WDR41: variants seen among roughly 807,000 people sequenced by gnomAD.
WDR41 encodes the protein WD repeat-containing protein 41.
WDR41 carries 63 observed loss-of-function variants against 69.3 expected under a neutral mutation model. The observed-to-expected ratio is 0.91, with a 90% CI of 0.74 to 1.12. The LOEUF is 1.12. Among genes scored for constraint, WDR41 ranks in the 50% most tolerant of loss-of-function variants. WDR41 has a pLI of 0.00. For synonymous variants in WDR41, 185 were observed against 192.1 expected (o/e 0.96, Z 0.31); for missense variants, 543 against 534.5 (o/e 1.02, Z -0.16).
chr5:77,479,774 A>G (rs1407000869), intron 2 of WDR41, among the ~76,000 whole-genome samples: 3 of 152,214 alleles, frequency 2.0e-5, no homozygotes, highest in Non-Finnish European at 4.4e-5. Flanking sequence ...CAAGGACTTC[A>G]TGTCTAAAAC....
At chr5:77,514,262 C>G (rs555249650) in intron 1 of WDR41, among the ~76,000 whole-genome samples, 3 of 151,942 alleles carry the variant, frequency 2.0e-5, no homozygotes, top group African/African-American at 7.3e-5. Context: ...TTTTGTGCTA[C>G]GTGTTTTCCA....
In WDR41 at chr5:77,560,131, A is replaced by G. The variant is rs116082115; in HGVS notation, c.42+60348T>C. Among the ~76,000 whole-genome samples, 233 of 152,312 alleles carry G rather than the reference A, an allele frequency of 1.5e-3. 3 individuals carry two copies. Among genetic ancestry groups the G allele is most frequent in the African/African-American group, 5.4e-3 (224 of 41,578 alleles). ...TAACTGTGATTCATAAACCAATCAC[A>G]CAAATTCATCTGTTAGGTTGTATAA... On this transcript the variant is annotated intron_variant, in intron 1 of 5. Transcript: ENST00000509971.
At chr5:77,533,650 G>T (rs1325278534) in intron 1 of WDR41, among the ~76,000 whole-genome samples, 1 of 152,076 alleles carries the variant, frequency 6.6e-6, no homozygotes, top group Non-Finnish European at 1.5e-5. Flanking sequence ...GATGATGATG[G>T]TTGTGTGCTG....
intron 1 of WDR41, among the ~76,000 whole-genome samples, chr5:77,510,089 A>C (rs1802175573): frequency 6.6e-6 from 1 of 152,198 alleles, no homozygotes; most frequent in Admixed American, 6.5e-5. Flanking sequence ...CTGCTGATAA[A>C]GACATACCCA....
intron 8 of WDR41, among the ~76,000 whole-genome samples, chr5:77,446,389 C>T (rs537961870): frequency 2.6e-5 from 4 of 152,310 alleles, no homozygotes; most frequent in African/African-American, 9.6e-5. Flanking sequence ...CATCAAACTA[C>T]TATTGACATC....
intron 12 of WDR41, among the ~76,000 whole-genome samples, chr5:77,434,877 G>A (rs1242300290): frequency 6.6e-6 from 1 of 151,612 alleles, no homozygotes; most frequent in Non-Finnish European, 1.5e-5. Context: ...AACACATTTT[G>A]AATGTCTTTT....
rs761801570 is a variant in WDR41 at position 77,522,828 on chromosome 5, G to T, written c.43-33256C>A. ...AAGGACCAAATGTTTTGACCAGAAA[G>T]GAGCCACTGAAGATTTTGAAAGTGT... On this transcript the variant is annotated intron_variant, in intron 1 of 5. Coordinates refer to the WDR41 transcript ENST00000509971. Among the ~76,000 whole-genome samples the T allele has an allele frequency of 4.6e-5, 7 of 152,112 alleles. No individual in the cohort carries two copies. The South Asian group carries it at 1.0e-3, about 23-fold the overall frequency.
chr5:77,556,986 A>C (rs1464141727), intron 1 of WDR41, among the ~76,000 whole-genome samples: 1 of 151,994 alleles, frequency 6.6e-6, no homozygotes, highest in Non-Finnish European at 1.5e-5. Context: ...GGAAAGGGGG[A>C]GGGGTGGAGC....
intron 1 of WDR41, among the ~76,000 whole-genome samples, chr5:77,536,153 TGAG>T (rs1400002698): frequency 6.6e-6 from 1 of 152,166 alleles, no homozygotes; most frequent in Non-Finnish European, 1.5e-5. Context: ...TATGCTCGTC[TGAG>T]GAGAATTATA....
intron 1 of WDR41, among the ~76,000 whole-genome samples, chr5:77,506,613 A>T (rs11747617): frequency 0.023 from 3,432 of 152,314 alleles, 52 homozygotes; most frequent in Non-Finnish European, 0.033. Context: ...TACTATTCAC[A>T]ATAGCAAAGA....
intron 1 of WDR41, among the ~76,000 whole-genome samples, chr5:77,586,302 G>GTATT (rs34851390): frequency 0.29 from 44,040 of 150,548 alleles, 6,555 homozygotes; most frequent in Non-Finnish European, 0.32. Context: ...ATTTATTTAT[G>GTATT]TATTTATTTA....
At chr5:77,460,341 C>G (rs973530037) in intron 4 of WDR41, among the ~76,000 whole-genome samples, 2 of 152,164 alleles carry the variant, frequency 1.3e-5, no homozygotes, top group Non-Finnish European at 2.9e-5. Flanking sequence ...ATATAACACA[C>G]TAAAACTGCT....
intron 2 of WDR41, among the ~76,000 whole-genome samples, chr5:77,482,397 C>G (rs371651559): frequency 6.6e-6 from 1 of 152,056 alleles, no homozygotes; most frequent in African/African-American, 2.4e-5. Flanking sequence ...CTATAGTACA[C>G]TTGGTTGATT....
intron 1 of WDR41, among the ~76,000 whole-genome samples, chr5:77,553,877 T>C (rs1282736683): frequency 6.6e-6 from 1 of 152,328 alleles, no homozygotes; most frequent in East Asian, 1.9e-4. Context: ...GAAAAGAGTT[T>C]AACAGTTGTT....
In WDR41 at chr5:77,453,921, G is replaced by C; in HGVS notation, c.419C>G (p.Thr140Ser). The C allele has an allele frequency of 6.2e-7, 1 of 1,612,940 alleles. No homozygotes were observed. The highest frequency in any genetic ancestry group is 8.5e-7 in the Non-Finnish European group (1 of 1,178,988). The change falls in exon 6 of 13, where the codon ACT (threonine) becomes AGT (serine). Residue 140 changes from threonine to serine, a missense_variant. Coordinates refer to ENST00000296679, the MANE Select transcript of WDR41 (RefSeq NM_018268.4). ...CCAAACATCTAGTCTCTGAAGAACA[G>C]TTAAACACTGCAAAATTTATTTGAA... ...SCFQSTVKCL[T>S]VLQRLDVWLS...
intron 1 of WDR41, among the ~76,000 whole-genome samples, chr5:77,614,628 A>C (rs1744638971): frequency 8.1e-6 from 1 of 123,000 alleles, no homozygotes; most frequent in Non-Finnish European, 1.6e-5. Flanking sequence ...GGGGAACATC[A>C]CACTCTGGGG....
At chr5:77,607,794 G>A (rs1415956449) in intron 1 of WDR41, among the ~76,000 whole-genome samples, 1 of 152,058 alleles carries the variant, frequency 6.6e-6, no homozygotes, top group Non-Finnish European at 1.5e-5. Context: ...GCATATAAGT[G>A]GATTTTAAAA....
Position 77,443,362 on chromosome 5 carries a change from C to T in WDR41, c.698-2365G>A, listed in dbSNP as rs77722592. On this transcript the variant is annotated intron_variant, in intron 8 of 12. Transcript: ENST00000296679. ...ATTTCATTTATCAAATAAACCAGCA[C>T]GACAGAAATCTCTAATGACCACATG... 9.5e-3 allele frequency among the ~76,000 whole-genome samples: 1,441 copies of T among 152,192 alleles called. 16 individuals are homozygous for T. The highest frequency in any genetic ancestry group is 0.037 in the Middle Eastern group (11 of 294).
At chr5:77,606,864 G>C (rs1207249508) in intron 1 of WDR41, among the ~76,000 whole-genome samples, 1 of 151,452 alleles carries the variant, frequency 6.6e-6, no homozygotes, top group Non-Finnish European at 1.5e-5. Flanking sequence ...CATGAGGCTT[G>C]GGGTGAGGTC....
Sources: allele counts gnomAD v4.1 joint callset (sites outside exome capture counted in the v4.1 genomes callset), GRCh38; gene constraint gnomAD v4.1.1; transcripts MANE v1.5; gene names NCBI Gene and HGNC (gene_info 2026-07-23, HGNC 2026-07-21).